MPDZ: variants seen among roughly 807,000 people sequenced by gnomAD.
MPDZ encodes multiple PDZ domain protein.
MPDZ carries 234 observed loss-of-function variants against 239.1 expected under a neutral mutation model. The ratio of observed to expected loss-of-function variants is 0.98; its 90% CI spans 0.88 to 1.09. The LOEUF is 1.09. Ranked by LOEUF, MPDZ falls within the 50% of genes least tolerant of loss-of-function variation. The pLI is 0.00. For synonymous variants in MPDZ, 1,048 were observed against 881.3 expected, an observed-to-expected ratio of 1.19 and a Z score of -3.35; for missense variants, 3,175 against 2,510.0, an observed-to-expected ratio of 1.26 and a Z score of -5.66.
chr9:13,150,528 C>A lies in MPDZ; in HGVS notation c.3613G>T (p.Gly1205Ter). Residue 1205 changes from glycine (G) to a stop codon, truncating the protein, a stop_gained, in exon 25 of 47, where the codon GGA (glycine) becomes TGA (stop). Transcript: ENST00000319217. LOFTEE classifies it high-confidence loss of function. The stretch of plus-strand genomic sequence containing the variant: ...GAGGGTACCTCTACGATTCTATCTC[C>A]AGGTTTCAAGGTTCCATTTTTGCCA... ...PAGKNGTLKP[G>*]DRIVEVDGMD... 6.4e-7 allele frequency: 1 copy of A among 1,567,508 alleles called. No individual in the cohort carries two copies. Among genetic ancestry groups the A allele is most frequent in the Admixed American group, 1.7e-5 (1 of 57,156 alleles).
intron 10 of MPDZ, among the ~76,000 whole-genome samples, chr9:13,209,200 C>G (rs1372759973): frequency 2.6e-5 from 4 of 152,134 alleles, no homozygotes; most frequent in African/African-American, 9.7e-5. Context: ...ACACCAAGTA[C>G]TAAAGGCCAT....
chr9:13,235,783 T>C (rs1249081188), intron 3 of MPDZ, among the ~76,000 whole-genome samples: 1 of 152,124 alleles, frequency 6.6e-6, no homozygotes, highest in Non-Finnish European at 1.5e-5. Context: ...GTCTTAAAAT[T>C]CCCTTGTGCT....
intron 31 of MPDZ, chr9:13,134,138 G>A (rs906405005): frequency 3.2e-5 from 6 of 187,852 alleles, no homozygotes; most frequent in African/African-American, 4.7e-5. Context: ...AAATACTTAC[G>A]AGGTGTAACT....
At chr9:13,170,623 G>A (rs898219731) in intron 21 of MPDZ, among the ~76,000 whole-genome samples, 1 of 152,144 alleles carries the variant, frequency 6.6e-6, no homozygotes, top group African/African-American at 2.4e-5. Flanking sequence ...TTAACTCAGT[G>A]GATCACAGTG....
chr9:13,250,231 A>C lies in MPDZ; in HGVS notation c.16+69T>G. The C allele has an allele frequency of 4.1e-6, 6 of 1,451,924 alleles. No individual in the cohort carries two copies. The South Asian group carries it at 7.3e-5, about 18-fold the overall frequency. 89.9% of individuals were successfully genotyped at this position (1,451,924 alleles called of 1,614,324 possible). A position where few individuals can be genotyped will look rare whatever the true frequency, so the allele number is the denominator to read the frequency against. ...AGAATCCTGCTATGTTAAACACAAC[A>C]TATGTCAAAAATCCCAATGGGAGGA... On this transcript the variant is annotated intron_variant, in intron 2 of 46. Transcript: ENST00000319217.
rs184229465 is a variant in MPDZ, at chr9:13,143,518, T to A, written c.3788A>T (p.Asn1263Ile). The A allele has an allele frequency of 6.2e-7, 1 of 1,613,076 alleles. No homozygotes were observed. The highest frequency in any genetic ancestry group is 2.2e-5 in the East Asian group (1 of 44,856). The change falls in exon 27 of 47, where the codon AAC becomes ATC. Residue 1263 changes from asparagine (N) to isoleucine (I), a missense_variant. Transcript: ENST00000319217. ...AGCAAATGGGTTAGTGCTGCTGAAG[T>A]TGTACTTAGGGTAAAGGTTGTGCAG... ...SLLHNLYPKY[N>I]FSSTNPFADS...
chr9:13,146,852 G>A (rs1474622715), intron 26 of MPDZ, among the ~76,000 whole-genome samples: 2 of 151,830 alleles, frequency 1.3e-5, no homozygotes, highest in East Asian at 3.9e-4. Context: ...CCAAAGCCTC[G>A]CTCTGTATCT....
chr9:13,245,769 G>C (rs1318110807), intron 3 of MPDZ, among the ~76,000 whole-genome samples: 1 of 152,102 alleles, frequency 6.6e-6, no homozygotes, highest in Non-Finnish European at 1.5e-5. Context: ...AATCACGTGG[G>C]ACCCAAATAG....
Position 13,140,135 on chromosome 9 carries a change from T to A in MPDZ, c.3855A>T (p.Ser1285=). The A allele has an allele frequency of 6.2e-7, 1 of 1,613,282 alleles. No homozygotes were observed. The highest frequency in any genetic ancestry group is 1.1e-5 in the South Asian group (1 of 91,074). Residue 1285 remains serine, a synonymous_variant, in exon 28 of 47, where the codon TCA becomes TCT. Transcript: ENST00000319217. The stretch of plus-strand genomic sequence containing the variant: ...ATGGAGCCTTCTCTGGCTCTGACTC[T>A]GACTGACTGGGTGCCTGTGGGAACA... ...QINADKAPSQ[S]ESEPEKAPLC...
intron 29 of MPDZ, 123 bp downstream of exon 29, chr9:13,137,834 T>A: frequency 9.9e-7 from 1 of 1,006,260 alleles, no homozygotes; most frequent in Non-Finnish European, 1.4e-6. Context: ...GCAATGCATC[T>A]ATTTTATTAA....
At chr9:13,122,191 T>A (rs774821165) in intron 36 of MPDZ, 21 bp from the exon 37 acceptor site, 1 of 1,604,114 alleles carries the variant, frequency 6.2e-7, no homozygotes, top group East Asian at 2.2e-5. Context: ...AAACAAAACA[T>A]ACCCATACTT....
chr9:13,269,107 A>T (rs1314768218), intron 1 of MPDZ, among the ~76,000 whole-genome samples: 2 of 152,206 alleles, frequency 1.3e-5, no homozygotes, highest in Non-Finnish European at 2.9e-5. Context: ...AGAGGCAATC[A>T]AAAGGACTCA....
intron 38 of MPDZ, among the ~76,000 whole-genome samples, chr9:13,121,506 C>T (rs1944343005): frequency 6.6e-6 from 1 of 152,172 alleles, no homozygotes; most frequent in African/African-American, 2.4e-5. Context: ...ATAGCAGGTG[C>T]TCAAAAATAC....
At chr9:13,277,850 C>A (rs1974591072) in intron 1 of MPDZ, among the ~76,000 whole-genome samples, 1 of 152,174 alleles carries the variant, frequency 6.6e-6, no homozygotes. Flanking sequence ...CAAGCGTGAG[C>A]CATTGCGCCT....
At chr9:13,149,682 G>T (rs1275735003) in intron 25 of MPDZ, among the ~76,000 whole-genome samples, 1 of 152,084 alleles carries the variant, frequency 6.6e-6, no homozygotes, top group Non-Finnish European at 1.5e-5. Context: ...TGCAACAGCT[G>T]TTCCAGGAAT....
At chr9:13,175,373 T>C (rs1270475327) in intron 21 of MPDZ, among the ~76,000 whole-genome samples, 1 of 152,194 alleles carries the variant, frequency 6.6e-6, no homozygotes, top group African/African-American at 2.4e-5. Context: ...GACTTATACA[T>C]CACTGGTACA....
intron 12 of MPDZ, among the ~76,000 whole-genome samples, chr9:13,204,470 A>C (rs1956769963): frequency 6.6e-6 from 1 of 152,094 alleles, no homozygotes; most frequent in African/African-American, 2.4e-5. Context: ...AAAATAGCTT[A>C]ATGGGTCCTA....
At chr9:13,139,728 G>T (rs1363447642) in intron 28 of MPDZ, among the ~76,000 whole-genome samples, 1 of 152,122 alleles carries the variant, frequency 6.6e-6, no homozygotes, top group Non-Finnish European at 1.5e-5. Context: ...TTCTGAGAGA[G>T]TGCCCTGTCC....
At position 13,112,044 on chromosome 9, in the gene MPDZ, C is replaced by A. The variant is rs764883592; in HGVS notation, c.5704G>T (p.Ala1902Ser). ...CTCACTCTGAGTTTTTGGGTCTGTGCTGCAACTCCAGTTGGGTGCATCATT... is the reference window on the plus strand; with the variant it reads ...CTCACTCTGAGTTTTTGGGTCTGTGATGCAACTCCAGTTGGGTGCATCATT... ...IAMMHPTGVAAQTQKLRVGDR... is the reference protein window; with the variant it reads ...IAMMHPTGVASQTQKLRVGDR... Residue 1902 changes from alanine to serine, a missense_variant, in exon 43 of 47, where the codon GCA becomes TCA. Physicochemically the swap from Ala to Ser is moderately conservative, Grantham distance 99. Coordinates refer to ENST00000319217, the MANE Select transcript of MPDZ (RefSeq NM_001378778.1). The A allele has an allele frequency of 1.9e-6, 3 of 1,613,502 alleles. No homozygotes were observed. Among genetic ancestry groups the A allele is most frequent in the South Asian group, 2.2e-5 (2 of 91,070 alleles).
Sources: gnomAD v4.1 joint callset for allele counts (sites outside exome capture counted in the v4.1 genomes callset) on GRCh38, gnomAD v4.1.1 for gene constraint, MANE v1.5 for transcripts, NCBI Gene and HGNC (gene_info 2026-07-23, HGNC 2026-07-21) for gene names.